The following CSGALNACT1 variants were observed in gnomAD, a reference collection of about 807,000 sequenced individuals.
CSGALNACT1 encodes chondroitin sulfate N-acetylgalactosaminyltransferase 1, also known as beta4GalNAcT-1.
CSGALNACT1 carries 52 observed loss-of-function variants against 51.0 expected under a neutral mutation model. The observed-to-expected ratio is 1.02, with a 90% confidence interval of 0.82 to 1.29. The LOEUF is 1.29. Ranked by LOEUF, CSGALNACT1 falls within the 50% of genes most tolerant of loss-of-function variation. The pLI is 0.00. For synonymous variants in CSGALNACT1, 341 were observed against 254.4 expected (o/e 1.34, Z -3.24); for missense variants, 935 against 679.2 (o/e 1.38, Z -4.19).
intron 4 of CSGALNACT1, among the ~76,000 whole-genome samples, chr8:19,465,877 G>C (rs918403051): frequency 6.6e-6 from 1 of 152,164 alleles, no homozygotes; most frequent in Admixed American, 6.5e-5. Context: ...TTACCCCCTG[G>C]AGTCACTTTT....
intron 1 of CSGALNACT1, among the ~76,000 whole-genome samples, chr8:19,720,406 G>A (rs1369328486): frequency 1.3e-5 from 2 of 152,160 alleles, no homozygotes; most frequent in East Asian, 1.9e-4. Flanking sequence ...GCCATAGCTG[G>A]GGTGCTCAAA....
intron 4 of CSGALNACT1, among the ~76,000 whole-genome samples, chr8:19,491,371 C>G (rs1336033214): frequency 2.6e-5 from 4 of 152,104 alleles, no homozygotes; most frequent in Non-Finnish European, 5.9e-5. Flanking sequence ...TTCTGAGAAT[C>G]AGCTTTCAGA....
intron 3 of CSGALNACT1, among the ~76,000 whole-genome samples, chr8:19,567,999 G>T (rs558462657): frequency 6.6e-6 from 1 of 152,088 alleles, no homozygotes; most frequent in South Asian, 2.1e-4. Flanking sequence ...AGTAGCTCAG[G>T]TATGTATATA....
intron 3 of CSGALNACT1, among the ~76,000 whole-genome samples, chr8:19,522,823 C>G (rs1367909329): frequency 6.6e-6 from 1 of 152,174 alleles, no homozygotes; most frequent in Non-Finnish European, 1.5e-5. Flanking sequence ...GCTACTGGTA[C>G]TAGACACATT....
chr8:19,540,600 G>A (rs1461540807), intron 3 of CSGALNACT1, among the ~76,000 whole-genome samples: 2 of 152,162 alleles, frequency 1.3e-5, no homozygotes, highest in African/African-American at 4.8e-5. Flanking sequence ...ATGTCTTAAT[G>A]TGGTGGGCCA....
chr8:19,625,575 T>C (rs547819377), intron 1 of CSGALNACT1, among the ~76,000 whole-genome samples: 35 of 152,308 alleles, frequency 2.3e-4, no homozygotes, highest in African/African-American at 7.9e-4. Context: ...CTTACTGAAT[T>C]AGAATATCCA....
chr8:19,575,161 A>C (rs550365019), intron 3 of CSGALNACT1, among the ~76,000 whole-genome samples: 1 of 152,306 alleles, frequency 6.6e-6, no homozygotes, highest in African/African-American at 2.4e-5. Context: ...TGCAAAATGC[A>C]ATTTTAAAAT....
intron 3 of CSGALNACT1, among the ~76,000 whole-genome samples, chr8:19,542,216 C>CAT (rs1191365032): frequency 6.6e-6 from 1 of 151,468 alleles, no homozygotes. Context: ...CACACACACA[C>CAT]ACACACACAC....
intron 4 of CSGALNACT1, among the ~76,000 whole-genome samples, chr8:19,475,241 A>G (rs2069243988): frequency 6.6e-6 from 1 of 152,168 alleles, no homozygotes; most frequent in Non-Finnish European, 1.5e-5. Flanking sequence ...GAAGCCGAGA[A>G]AGTCTGGGAA....
chr8:19,510,559 CA>C (rs528557515), intron 3 of CSGALNACT1, among the ~76,000 whole-genome samples: 128 of 152,272 alleles, frequency 8.4e-4, no homozygotes, highest in African/African-American at 2.8e-3. Flanking sequence ...CCAGCCTCAA[CA>C]AATTTACTAG....
intron 3 of CSGALNACT1, among the ~76,000 whole-genome samples, chr8:19,583,555 A>G (rs2046024429): frequency 6.6e-6 from 1 of 152,176 alleles, no homozygotes; most frequent in African/African-American, 2.4e-5. Context: ...CTCTCCCAAA[A>G]TGTGTTAGGC....
At chr8:19,650,387 C>A (rs2154183431) in intron 1 of CSGALNACT1, among the ~76,000 whole-genome samples, 1 of 152,226 alleles carries the variant, frequency 6.6e-6, no homozygotes, top group South Asian at 2.1e-4. Context: ...GTCAACAATT[C>A]AAAGTCGATT....
chr8:19,572,120 A>T (rs2043176820), intron 3 of CSGALNACT1, among the ~76,000 whole-genome samples: 2 of 152,350 alleles, frequency 1.3e-5, no homozygotes, highest in South Asian at 4.1e-4. Flanking sequence ...CATCGGCAAC[A>T]ACAACAAAAA....
At chr8:19,580,649 C>T (rs1347325396) in intron 3 of CSGALNACT1, among the ~76,000 whole-genome samples, 3 of 152,126 alleles carry the variant, frequency 2.0e-5, no homozygotes, top group Non-Finnish European at 4.4e-5. Flanking sequence ...TAAAAAATTA[C>T]AAAGCCTGAT....
chr8:19,413,005 C>T (rs576323144), intron 8 of CSGALNACT1, among the ~76,000 whole-genome samples: 3 of 152,270 alleles, frequency 2.0e-5, no homozygotes, highest in South Asian at 2.1e-4. Context: ...TCTAAGACTC[C>T]GGGGACAGTT....
intron 3 of CSGALNACT1, among the ~76,000 whole-genome samples, chr8:19,569,224 G>A (rs1359624981): frequency 1.3e-5 from 2 of 152,148 alleles, no homozygotes; most frequent in Non-Finnish European, 2.9e-5. Context: ...CTGAAAAGAT[G>A]CTACAGACAA....
At chr8:19,590,666 T>TTTTG (rs1388637072) in intron 3 of CSGALNACT1, among the ~76,000 whole-genome samples, 2 of 106,354 alleles carry the variant, frequency 1.9e-5, no homozygotes, top group African/African-American at 3.1e-5. Flanking sequence ...TTTTTTTTTT[T>TTTTG]GGAGATGGAG....
At chr8:19,741,783 T>C (rs1317547438) in intron 1 of CSGALNACT1, among the ~76,000 whole-genome samples, 2 of 152,234 alleles carry the variant, frequency 1.3e-5, no homozygotes, top group Non-Finnish European at 2.9e-5. Flanking sequence ...CGGCTGATCA[T>C]ATGGATTTTA....
At chr8:19,653,182 C>G (rs2057970788) in intron 1 of CSGALNACT1, among the ~76,000 whole-genome samples, 1 of 152,136 alleles carries the variant, frequency 6.6e-6, no homozygotes, top group Non-Finnish European at 1.5e-5. Context: ...ACTTCTGTCC[C>G]CTCGATTTTG....
Sources: allele counts gnomAD v4.1 joint callset (sites outside exome capture counted in the v4.1 genomes callset), GRCh38; gene constraint gnomAD v4.1.1; transcripts MANE v1.5; gene names NCBI Gene and HGNC (gene_info 2026-07-23, HGNC 2026-07-21).